ADAMTS16: variants seen among roughly 807,000 people sequenced by gnomAD.
The protein encoded by ADAMTS16 is A disintegrin and metalloproteinase with thrombospondin motifs 16.
Under a neutral mutation model 145.8 loss-of-function variants are expected in ADAMTS16, and 94 were observed. The observed-to-expected ratio is 0.64, with a 90% CI of 0.55 to 0.77. ADAMTS16 has a LOEUF of 0.77. ADAMTS16 is among the 30% of genes least tolerant of loss of function. The probability of loss-of-function intolerance (pLI) is 0.00; values close to 1 mark genes in which losing one functional copy is unlikely to be tolerated. For missense variants in ADAMTS16, 1,585 were observed against 1,591.5 expected (o/e 1.00, Z 0.07); for synonymous variants, 659 against 604.3 (o/e 1.09, Z -1.33).
chr5:5,307,959 C>T (rs193004416), intron 21 of ADAMTS16, among the ~76,000 whole-genome samples: 18 of 152,280 alleles, frequency 1.2e-4, no homozygotes, highest in African/African-American at 2.2e-4. Flanking sequence ...AACAAAGACC[C>T]GGTCGAAGCC....
intron 4 of ADAMTS16, among the ~76,000 whole-genome samples, chr5:5,185,667 G>A (rs994107917): frequency 2.0e-5 from 3 of 152,192 alleles, no homozygotes; most frequent in Admixed American, 6.5e-5. Flanking sequence ...CAGCCAGCTC[G>A]TGTTCTTGTA....
chr5:5,145,959 A>T (rs1478013676), intron 2 of ADAMTS16, among the ~76,000 whole-genome samples, 171 bp from the exon 3 acceptor site: 2 of 152,138 alleles, frequency 1.3e-5, no homozygotes, highest in African/African-American at 4.8e-5. Context: ...TTAAACTGTG[A>T]TGTTCCATAT....
intron 3 of ADAMTS16, among the ~76,000 whole-genome samples, chr5:5,161,037 A>G (rs964587137): frequency 2.6e-5 from 4 of 152,220 alleles, no homozygotes; most frequent in Non-Finnish European, 5.9e-5. Context: ...CACATTATTG[A>G]GTGTCAGCTT....
intron 2 of ADAMTS16, among the ~76,000 whole-genome samples, chr5:5,145,422 G>A (rs886512476): frequency 2.6e-5 from 4 of 152,164 alleles, no homozygotes; most frequent in African/African-American, 9.7e-5. Flanking sequence ...TCTGTGCACT[G>A]AATATTCAGT....
chr5:5,220,612 G>A (rs2126342991), intron 10 of ADAMTS16, among the ~76,000 whole-genome samples: 1 of 152,222 alleles, frequency 6.6e-6, no homozygotes, highest in African/African-American at 2.4e-5. Flanking sequence ...GTCTCCTCAA[G>A]CCCTTAAGCG....
intron 6 of ADAMTS16, among the ~76,000 whole-genome samples, chr5:5,189,660 T>C (rs2126574241): frequency 6.6e-6 from 1 of 152,354 alleles, no homozygotes; most frequent in South Asian, 2.1e-4. Flanking sequence ...AAAAGTGTTT[T>C]TGAAAGATTT....
At chr5:5,186,301 G>GGGGTGTGTGTGTGTGTGTGTGTGT (rs368811446) in intron 5 of ADAMTS16, 50 bp downstream of exon 5, 1 of 948,100 alleles carries the variant, frequency 1.1e-6, no homozygotes, top group African/African-American at 1.8e-5. Flanking sequence ...CACTTCGTAG[G>GGGGTGTGTGTGTGTGTGTGTGTGT]GTGTGTGTGT....
At position 5,236,326 on chromosome 5, in the gene ADAMTS16, A is replaced by C. The variant is rs555408352; in HGVS notation, c.2024-643A>C. ...CTTTTTTTTTTACCAAGAAGAGAAC[A>C]AAAGGGGCAAAATGGTTTGAAAAAA... On this transcript the variant is annotated intron_variant, in intron 13 of 22. Coordinates refer to ENST00000274181, the MANE Select transcript of ADAMTS16 (RefSeq NM_139056.4). Among the ~76,000 whole-genome samples, 6 of 152,228 alleles carry C rather than the reference A, an allele frequency of 3.9e-5. No homozygotes were observed. The South Asian group carries it at 1.2e-3, about 32-fold the overall frequency.
At chr5:5,158,779 G>A (rs528354143) in intron 3 of ADAMTS16, among the ~76,000 whole-genome samples, 56 of 152,174 alleles carry the variant, frequency 3.7e-4, no homozygotes, top group Non-Finnish European at 7.1e-4. Context: ...CAACTAAGTG[G>A]CATTTGTCCA....
chr5:5,187,482 C>T (rs967775433), intron 5 of ADAMTS16, among the ~76,000 whole-genome samples: 8 of 152,130 alleles, frequency 5.3e-5, no homozygotes, highest in African/African-American at 9.7e-5. Context: ...TAAGGGGAAC[C>T]CTTACCAACC....
chr5:5,312,055 G>A lies in ADAMTS16; in HGVS notation c.3411+5327G>A, dbSNP rs143378607. Among the ~76,000 whole-genome samples, 183 of 152,220 alleles carry A rather than the reference G, an allele frequency of 1.2e-3. 2 individuals carry two copies. The highest frequency in any genetic ancestry group is 4.2e-3 in the African/African-American group (176 of 41,532). On this transcript the variant is annotated intron_variant, in intron 21 of 22. Coordinates refer to ENST00000274181, the MANE Select transcript of ADAMTS16 (RefSeq NM_139056.4). ...TTTAAAAACCGTAGTGTCCGAGCCT[G>A]TCTGCTGCTGTATTTCTTTATTTCT...
At chr5:5,290,242 G>A (rs1318664884) in intron 18 of ADAMTS16, among the ~76,000 whole-genome samples, 2 of 152,180 alleles carry the variant, frequency 1.3e-5, no homozygotes, top group African/African-American at 4.8e-5. Flanking sequence ...CACCGAAACT[G>A]TATGAGGAAG....
chr5:5,290,079 T>C (rs1043956892), intron 18 of ADAMTS16, among the ~76,000 whole-genome samples: 4 of 152,234 alleles, frequency 2.6e-5, no homozygotes, highest in South Asian at 2.1e-4. Context: ...GTTTAGTACA[T>C]TTATCTTCTC....
At chr5:5,293,645 G>C (rs1399718683) in intron 18 of ADAMTS16, among the ~76,000 whole-genome samples, 1 of 152,182 alleles carries the variant, frequency 6.6e-6, no homozygotes, top group Non-Finnish European at 1.5e-5. Context: ...TGCCTTTCCA[G>C]TGTGCTTGCA....
At chr5:5,254,740 T>G (rs1737730649) in intron 17 of ADAMTS16, among the ~76,000 whole-genome samples, 1 of 152,208 alleles carries the variant, frequency 6.6e-6, no homozygotes, top group South Asian at 2.1e-4. Flanking sequence ...CTGCTATGAA[T>G]CATTATCTGG....
In ADAMTS16 at chr5:5,319,044, T is replaced by A; in HGVS notation, c.3581T>A (p.Phe1194Tyr). The A allele has an allele frequency of 6.2e-7, 1 of 1,613,048 alleles. No homozygotes were observed. Among genetic ancestry groups the A allele is most frequent in the Non-Finnish European group, 8.5e-7 (1 of 1,179,666 alleles). Residue 1194 changes from phenylalanine (F) to tyrosine (Y), a missense_variant, in exon 23 of 23, where the codon TTC (phenylalanine) becomes TAC (tyrosine). This residue lies in a region of ADAMTS16 where 834 missense variants were observed against 811.7 expected (regional missense o/e 1.03). Transcript: ENST00000274181. ...EKKDAFCKDYFHWCYLVPQHG... is the reference protein window; with the variant it reads ...EKKDAFCKDYYHWCYLVPQHG... The stretch of plus-strand genomic sequence containing the variant: ...TCAGATGCCTTCTGCAAAGACTACT[T>A]CCACTGGTGCTACCTGGTACCCCAG...
intron 8 of ADAMTS16, among the ~76,000 whole-genome samples, chr5:5,192,555 G>A (rs1026357408): frequency 1.3e-5 from 2 of 152,122 alleles, no homozygotes; most frequent in Non-Finnish European, 2.9e-5. Flanking sequence ...AGGCCTCTAG[G>A]AACTGATTTG....
chr5:5,302,573 C>A (rs1388433987), intron 18 of ADAMTS16, among the ~76,000 whole-genome samples: 1 of 152,014 alleles, frequency 6.6e-6, no homozygotes, highest in African/African-American at 2.4e-5. Flanking sequence ...AGGGAAAGAT[C>A]CGGTTTCTTT....
chr5:5,217,197 A>C (rs1736462244), intron 10 of ADAMTS16, among the ~76,000 whole-genome samples: 1 of 151,976 alleles, frequency 6.6e-6, no homozygotes, highest in Non-Finnish European at 1.5e-5. Context: ...TACAAAAATC[A>C]ATTCAAGATG....
Sources: allele counts gnomAD v4.1 joint callset (sites outside exome capture counted in the v4.1 genomes callset), GRCh38; gene constraint gnomAD v4.1.1; regional missense constraint gnomAD v4.1.1; transcripts MANE v1.5; gene names NCBI Gene and HGNC (gene_info 2026-07-23, HGNC 2026-07-21).